The following WAC variants were observed in gnomAD, a reference collection of about 807,000 sequenced individuals.
WAC encodes WW domain containing adaptor with coiled-coil.
A neutral mutation model predicts 79.6 loss-of-function variants in WAC; 11 were observed. The ratio of observed to expected loss-of-function variants is 0.14; its 90% CI spans 0.09 to 0.23. WAC has a LOEUF of 0.23. WAC is among the 10% of genes least tolerant of loss of function. The pLI is 1.00. For missense variants in WAC, 728 were observed against 773.5 expected, an observed-to-expected ratio of 0.94 and a Z score of 0.70; for synonymous variants, 304 against 276.9, an observed-to-expected ratio of 1.10 and a Z score of -0.97.
At chr10:28,550,108 G>T (rs146521112) in intron 3 of WAC, among the ~76,000 whole-genome samples, 68 of 151,760 alleles carry the variant, frequency 4.5e-4, no homozygotes, top group African/African-American at 1.6e-3. Context: ...GATGGAGGTC[G>T]CGGTGAGCGG....
At chr10:28,594,241 T>C (rs2132699051) in intron 6 of WAC, among the ~76,000 whole-genome samples, 1 of 152,322 alleles carries the variant, frequency 6.6e-6, no homozygotes. Context: ...CTTGATACAT[T>C]TTGACTAGCG....
At chr10:28,610,885 C>T in intron 9 of WAC, 64 bp downstream of exon 9, 5 of 1,446,076 alleles carry the variant, frequency 3.5e-6, no homozygotes, top group Middle Eastern at 1.8e-4. Flanking sequence ...AATTAATAGC[C>T]CTTTTTTGTA....
intron 5 of WAC, among the ~76,000 whole-genome samples, chr10:28,590,150 GC>G (rs1262376343): frequency 2.6e-5 from 4 of 151,896 alleles, no homozygotes; most frequent in Admixed American, 6.6e-5. Context: ...GTGAGACCCT[GC>G]CTCTACAAAA....
chr10:28,535,638 C>T lies in WAC; in HGVS notation c.155C>T (p.Pro52Leu), dbSNP rs1836610260. 1.9e-6 allele frequency: 3 copies of T among 1,614,066 alleles called. No individual in the cohort carries two copies. Among genetic ancestry groups the T allele is most frequent in the Non-Finnish European group, 1.7e-6 (2 of 1,180,016 alleles). Residue 52 changes from proline to leucine, a missense_variant, in exon 3 of 14, where the codon CCT becomes CTT. Around this residue, in one of 3 missense-constraint regions of WAC, gnomAD observed 648 missense variants for 661.5 expected, o/e 0.98. Transcript: ENST00000354911. ...GAAAAGATGCGAGACGCCGGAGATC[C>T]TTCACCACCAAATAAAATGTTGCGG... The part of the protein sequence containing the change: ...RHEKMRDAGD[P>L]SPPNKMLRRS...
At chr10:28,553,304 A>G (rs1346886373) in intron 3 of WAC, among the ~76,000 whole-genome samples, 2 of 152,202 alleles carry the variant, frequency 1.3e-5, no homozygotes, top group African/African-American at 2.4e-5. Context: ...TAGCCTTGTT[A>G]ATACAGCTTT....
At chr10:28,611,266 C>G in intron 9 of WAC, 2 of 1,292,824 alleles carry the variant, frequency 1.5e-6, no homozygotes, top group African/African-American at 1.5e-5. Flanking sequence ...TATCCCTCTT[C>G]ATGAAGGTAT....
intron 7 of WAC, among the ~76,000 whole-genome samples, chr10:28,597,831 A>G (rs920893122): frequency 1.2e-4 from 19 of 152,218 alleles, no homozygotes; most frequent in African/African-American, 4.6e-4. Flanking sequence ...CCATTGAGAA[A>G]TCTTGGGCTC....
At chr10:28,597,577 T>A (rs562421880) in intron 7 of WAC, among the ~76,000 whole-genome samples, 141 of 152,306 alleles carry the variant, frequency 9.3e-4, no homozygotes, top group African/African-American at 3.2e-3. Flanking sequence ...TGTTTGGTTC[T>A]TTTTCTTGTT....
intron 3 of WAC, among the ~76,000 whole-genome samples, chr10:28,544,871 C>G (rs1837263887): frequency 6.6e-6 from 1 of 152,008 alleles, no homozygotes; most frequent in Non-Finnish European, 1.5e-5. Flanking sequence ...TGAGACCAGC[C>G]TGTGCAACAT....
intron 4 of WAC, 142 bp downstream of exon 4, chr10:28,583,647 T>A: frequency 1.8e-6 from 1 of 548,206 alleles, no homozygotes; most frequent in Non-Finnish European, 3.0e-6. Flanking sequence ...ATGTGTTTAT[T>A]TGATATTATT....
At chr10:28,613,316 A>C (rs1052723957) in intron 10 of WAC, among the ~76,000 whole-genome samples, 19 of 152,222 alleles carry the variant, frequency 1.2e-4, no homozygotes, top group Non-Finnish European at 2.4e-4. Context: ...AGTTGAGCCA[A>C]GATCACGGCA....
intron 3 of WAC, among the ~76,000 whole-genome samples, chr10:28,542,144 G>A (rs953775382): frequency 6.6e-6 from 1 of 152,164 alleles, no homozygotes; most frequent in Non-Finnish European, 1.5e-5. Context: ...CACATTATGT[G>A]CCTTTATGTT....
At chr10:28,582,019 A>G (rs1451114783) in intron 3 of WAC, among the ~76,000 whole-genome samples, 2 of 152,244 alleles carry the variant, frequency 1.3e-5, no homozygotes, top group East Asian at 1.9e-4. Context: ...AATATCCTCT[A>G]TCATACCACC....
At chr10:28,581,525 T>G (rs1839535179) in intron 3 of WAC, among the ~76,000 whole-genome samples, 1 of 152,098 alleles carries the variant, frequency 6.6e-6, no homozygotes, top group Admixed American at 6.6e-5. Context: ...TGTTAACTTT[T>G]CCTGTATACT....
chr10:28,583,583 A>C, intron 4 of WAC, 78 bp downstream of exon 4: 1 of 989,958 alleles, frequency 1.0e-6, no homozygotes, highest in South Asian at 2.0e-5. Context: ...ACCCATGGCA[A>C]GTCTTGTAAA....
At chr10:28,574,563 C>T (rs1839147244) in intron 3 of WAC, among the ~76,000 whole-genome samples, 1 of 151,858 alleles carries the variant, frequency 6.6e-6, no homozygotes, top group Admixed American at 6.6e-5. Context: ...CTGTGTCAGC[C>T]TCCTCAGTAG....
intron 8 of WAC, among the ~76,000 whole-genome samples, chr10:28,610,177 C>G (rs996343860): frequency 6.6e-6 from 1 of 152,090 alleles, no homozygotes; most frequent in African/African-American, 2.4e-5. Flanking sequence ...AGGCGATCCA[C>G]CTGCCTCAGC....
At chr10:28,617,032 G>A (rs1040902173) in intron 12 of WAC, among the ~76,000 whole-genome samples, 10 of 152,046 alleles carry the variant, frequency 6.6e-5, no homozygotes, top group African/African-American at 1.2e-4. Flanking sequence ...GCAGTGAGCC[G>A]AGATTGCACC....
At chr10:28,611,425 G>C (rs1841232525) in intron 9 of WAC, 1 of 1,311,494 alleles carries the variant, frequency 7.6e-7, no homozygotes, top group African/African-American at 1.5e-5. Context: ...TCATGAGCAG[G>C]AGACTGCGTG....
Sources: gnomAD v4.1 joint callset for allele counts (sites outside exome capture counted in the v4.1 genomes callset) on GRCh38, gnomAD v4.1.1 for gene constraint, gnomAD v4.1.1 regional missense constraint, MANE v1.5 for transcripts, NCBI Gene and HGNC (gene_info 2026-07-23, HGNC 2026-07-21) for gene names.